Variants in LRFN5 observed in about 807,000 individuals in gnomAD.
LRFN5 encodes leucine-rich repeat and fibronectin type-III domain-containing protein 5.
In LRFN5, 24 loss-of-function variants were observed where a neutral mutation model predicts 45.6. That is an observed-to-expected ratio of 0.53 (90% CI 0.38 to 0.74). LRFN5 has a LOEUF of 0.74. Among genes scored for constraint, LRFN5 ranks in the 30% least tolerant of loss-of-function variants. LRFN5 has a pLI of 0.00. For missense variants in LRFN5, 776 were observed against 861.5 expected (o/e 0.90, Z 1.24); for synonymous variants, 340 against 313.8 (o/e 1.08, Z -0.88).
chr14:41,641,907 CTT>C (rs2138599566), intron 1 of LRFN5, among the ~76,000 whole-genome samples: 1 of 152,216 alleles, frequency 6.6e-6, no homozygotes, highest in African/African-American at 2.4e-5. Flanking sequence ...ATAAAAGCCT[CTT>C]GAGCGAGAAA....
At chr14:41,625,113 A>G (rs776895235) in intron 1 of LRFN5, among the ~76,000 whole-genome samples, 3 of 152,158 alleles carry the variant, frequency 2.0e-5, no homozygotes, top group African/African-American at 4.8e-5. Context: ...TTAAAGATAA[A>G]TAATGAATGA....
chr14:41,878,069 G>T (rs926485948), intron 2 of LRFN5, among the ~76,000 whole-genome samples: 1 of 151,914 alleles, frequency 6.6e-6, no homozygotes, highest in Non-Finnish European at 1.5e-5. Context: ...TTTTAACGGA[G>T]AATGCAGTTA....
chr14:41,879,101 T>A (rs934068048), intron 2 of LRFN5, among the ~76,000 whole-genome samples: 2 of 152,212 alleles, frequency 1.3e-5, no homozygotes, highest in African/African-American at 4.8e-5. Context: ...ATTGTACACT[T>A]ACTCTTACTT....
At chr14:41,893,964 A>T in intron 4 of LRFN5, 1 of 985,134 alleles carries the variant, frequency 1.0e-6, no homozygotes, top group Non-Finnish European at 1.2e-6. Context: ...ATATATTTTC[A>T]GTACTATTAA....
chr14:41,754,917 C>G (rs556466567), intron 1 of LRFN5, among the ~76,000 whole-genome samples: 15 of 152,016 alleles, frequency 9.9e-5, no homozygotes, highest in African/African-American at 3.6e-4. Context: ...TATACATTTC[C>G]CTCTACACAC....
intron 5 of LRFN5, 92 bp from the exon 6 acceptor site, chr14:41,904,066 T>G: frequency 1.8e-6 from 2 of 1,121,088 alleles, no homozygotes; most frequent in Non-Finnish European, 2.6e-6. Flanking sequence ...TAGTTACTTT[T>G]AGATTGCTAG....
At chr14:41,734,059 C>G (rs865927832) in intron 1 of LRFN5, among the ~76,000 whole-genome samples, 1 of 123,814 alleles carries the variant, frequency 8.1e-6, no homozygotes, top group Non-Finnish European at 1.6e-5. Context: ...GAGTTTCACT[C>G]TTATTGCCCA....
intron 2 of LRFN5, among the ~76,000 whole-genome samples, chr14:41,869,837 G>T (rs1889959792): frequency 6.6e-6 from 1 of 152,072 alleles, no homozygotes; most frequent in Admixed American, 6.6e-5. Context: ...CTCACACTGG[G>T]TCCCTCGCAT....
chr14:41,750,567 C>T lies in LRFN5; in HGVS notation c.-196-16287C>T, dbSNP rs556090899. 5.3e-5 allele frequency among the ~76,000 whole-genome samples: 8 copies of T among 152,002 alleles called. No individual in the cohort carries two copies. In the East Asian group the frequency reaches 1.2e-3, roughly 22 times the overall value. ...TACATATATTAAATATTAAAATTTG[C>T]TTTCATTGTATTGTGATCTCAGTTA... On this transcript the variant is annotated intron_variant, in intron 1 of 5. Transcript: ENST00000298119.
intron 2 of LRFN5, among the ~76,000 whole-genome samples, chr14:41,857,392 G>A (rs1482111843): frequency 2.0e-5 from 3 of 152,046 alleles, no homozygotes; most frequent in Admixed American, 6.6e-5. Context: ...TTATTTATGC[G>A]ATAAAATATT....
intron 2 of LRFN5, among the ~76,000 whole-genome samples, chr14:41,882,682 G>C (rs1158109499): frequency 6.6e-6 from 1 of 151,914 alleles, no homozygotes. Flanking sequence ...TGCTATTGGG[G>C]CTCTTGTGGA....
At chr14:41,729,537 A>C (rs1030656099) in intron 1 of LRFN5, among the ~76,000 whole-genome samples, 1 of 152,160 alleles carries the variant, frequency 6.6e-6, no homozygotes, top group African/African-American at 2.4e-5. Flanking sequence ...GTAATACAAC[A>C]TTATAGTATT....
chr14:41,621,226 A>G (rs765668701), intron 1 of LRFN5, among the ~76,000 whole-genome samples: 4 of 152,098 alleles, frequency 2.6e-5, no homozygotes, highest in Admixed American at 2.6e-4. Context: ...CTGTGTCCCT[A>G]TATCCCCTGT....
At chr14:41,618,524 A>T (rs980078193) in intron 1 of LRFN5, among the ~76,000 whole-genome samples, 1 of 152,228 alleles carries the variant, frequency 6.6e-6, no homozygotes, top group African/African-American at 2.4e-5. Flanking sequence ...AGATGAGGCC[A>T]CCTGAGACCA....
intron 2 of LRFN5, among the ~76,000 whole-genome samples, chr14:41,879,975 T>G (rs1594490156): frequency 7.4e-6 from 1 of 135,538 alleles, no homozygotes. Context: ...CAGGCTGGAG[T>G]GCAGTGGCAA....
At chr14:41,715,314 C>T (rs991989323) in intron 1 of LRFN5, among the ~76,000 whole-genome samples, 43 of 152,020 alleles carry the variant, frequency 2.8e-4, no homozygotes, top group Admixed American at 5.9e-4. Flanking sequence ...ATTGAGTCAC[C>T]AGAAATTCTA....
chr14:41,761,374 T>C (rs1382987785), intron 1 of LRFN5, among the ~76,000 whole-genome samples: 1 of 151,790 alleles, frequency 6.6e-6, no homozygotes, highest in Admixed American at 6.6e-5. Flanking sequence ...GAAAATACGG[T>C]ATGTAGATAA....
intron 2 of LRFN5, among the ~76,000 whole-genome samples, chr14:41,841,868 C>G (rs1888872007): frequency 6.6e-6 from 1 of 151,740 alleles, no homozygotes; most frequent in South Asian, 2.1e-4. Flanking sequence ...TAAATTTACA[C>G]TTAAATAAAT....
At chr14:41,659,412 T>A (rs10135232) in intron 1 of LRFN5, among the ~76,000 whole-genome samples, 44,518 of 152,000 alleles carry the variant, frequency 0.29, 6,700 homozygotes, top group South Asian at 0.36. Flanking sequence ...TAGTATTCCA[T>A]GGTGTATATG....
Sources: allele counts gnomAD v4.1 joint callset (sites outside exome capture counted in the v4.1 genomes callset), GRCh38; gene constraint gnomAD v4.1.1; transcripts MANE v1.5; gene names NCBI Gene and HGNC (gene_info 2026-07-23, HGNC 2026-07-21).